OR1A1: variants seen among roughly 807,000 people sequenced by gnomAD.
The protein encoded by OR1A1 is olfactory receptor 1A1.
For missense variants in OR1A1, 391 were observed against 379.9 expected, an observed-to-expected ratio of 1.03 and a Z score of -0.24; for synonymous variants, 145 against 147.8, an observed-to-expected ratio of 0.98 and a Z score of 0.13.
Position 3,216,562 on chromosome 17 carries a change from GC to G in OR1A1, c.*14del. On this transcript the variant is annotated 3_prime_UTR_variant, in exon 4 of 4. Transcript: ENST00000641732. ...GAATCTCCTCGTAACCAATGTGAGG[GC>G]CTACATTGGATACCGTAGTCACCAG... The G allele has an allele frequency of 6.3e-7, 1 of 1,589,698 alleles. No homozygotes were observed. Among genetic ancestry groups the G allele is most frequent in the Non-Finnish European group, 8.6e-7 (1 of 1,162,622 alleles).
rs1285821901 is a variant in OR1A1 at position 3,217,386 on chromosome 17, C to A, written c.*836C>A. 2 of 152,192 alleles carry A rather than the reference C, an allele frequency of 1.3e-5. No homozygotes were observed. Among genetic ancestry groups the A allele is most frequent in the African/African-American group, 2.4e-5 (1 of 41,450 alleles). 9.4% of individuals were successfully genotyped at this position (152,192 alleles called of 1,614,324 possible). On this transcript the variant is annotated 3_prime_UTR_variant, in exon 4 of 4. Coordinates refer to ENST00000641732, the MANE Select transcript of OR1A1 (RefSeq NM_014565.3). ...TTTATAGATTCAATGCTATTCCCAT[C>A]AAACTACCATTGACATTCTTCACAG...
chr17:3,211,165 G>A (rs2048439424), intron 2 of OR1A1, among the ~76,000 whole-genome samples: 1 of 152,094 alleles, frequency 6.6e-6, no homozygotes, highest in East Asian at 1.9e-4. Flanking sequence ...CTTAACCTGT[G>A]TCTGGCCTTC....
chr17:3,216,633 GAGGCAGTCTCT>G lies in OR1A1; in HGVS notation c.*84_*94del, dbSNP rs555011474. 203 of 1,045,704 alleles carry G rather than the reference GAGGCAGTCTCT, an allele frequency of 1.9e-4. No homozygotes were observed. The African/African-American group carries it at 2.9e-3, about 15-fold the overall frequency. 64.8% of individuals were successfully genotyped at this position (1,045,704 alleles called of 1,614,324 possible). On this transcript the variant is annotated 3_prime_UTR_variant, in exon 4 of 4. Coordinates refer to ENST00000641732, the MANE Select transcript of OR1A1 (RefSeq NM_014565.3). The stretch of plus-strand genomic sequence containing the variant: ...CAGTTCTGATGTCATCCTCCTACGA[GAGGCAGTCTCT>G]GATCTTTCTAGCCTGAAATTCCTAA...
chr17:3,218,822 G>A lies in OR1A1; in HGVS notation c.*2272G>A, dbSNP rs1444034764. On this transcript the variant is annotated 3_prime_UTR_variant, in exon 4 of 4. Coordinates refer to ENST00000641732, the MANE Select transcript of OR1A1 (RefSeq NM_014565.3). ...ATTAGGAGAAATACCTAATGCAGAT[G>A]TCAGGCTGATGGATGCAGCAAACCA... 12 of 152,104 alleles carry A rather than the reference G, an allele frequency of 7.9e-5. No individual in the cohort carries two copies. The highest frequency in any genetic ancestry group is 2.6e-4 in the Admixed American group (4 of 15,252). The allele number at this position is 152,104 out of a possible 1,614,324, so 9.4% of individuals were successfully genotyped here.
rs745469696 is a variant in OR1A1, at chr17:3,216,501, A to G, written c.881A>G (p.Asp294Gly). The change falls in exon 4 of 4, where the codon GAC (aspartate) becomes GGC (glycine). Residue 294 changes from aspartate (D) to glycine (G), a missense_variant. Asp to Gly is a moderately conservative substitution (Grantham distance 94). Transcript: ENST00000641732. ...NPFIYSLRNRDMKAALRKLFN... is the reference protein window; with the variant it reads ...NPFIYSLRNRGMKAALRKLFN... ...TTCATCTACAGTCTGAGAAATCGGG[A>G]CATGAAGGCTGCCCTGCGGAAACTC... 2 of 1,613,962 alleles carry G rather than the reference A, an allele frequency of 1.2e-6. No homozygotes were observed. The highest frequency in any genetic ancestry group is 2.7e-5 in the African/African-American group (2 of 74,914).
rs373533523 is a variant in OR1A1 at position 3,216,390 on chromosome 17, C to G, written c.770C>G (p.Thr257Arg). 1.9e-5 allele frequency: 31 copies of G among 1,614,040 alleles called. No homozygotes were observed. The highest frequency in any genetic ancestry group is 2.4e-5 in the Non-Finnish European group (28 of 1,180,034). The change falls in exon 4 of 4, where the codon ACG (threonine) becomes AGG (arginine). Residue 257 changes from threonine to arginine, a missense_variant. Coordinates refer to ENST00000641732, the MANE Select transcript of OR1A1 (RefSeq NM_014565.3). ...TTGTATTATGGTACAGTCATGGGCA[C>G]GTATTTCCGCCCTTTGACCAATTAT... is the stretch of plus-strand genomic sequence containing the variant. ...VSLYYGTVMG[T>R]YFRPLTNYSL...
intron 3 of OR1A1, chr17:3,214,934 G>T (rs1032589120): frequency 6.6e-6 from 1 of 152,188 alleles, no homozygotes; most frequent in African/African-American, 2.4e-5. Flanking sequence ...CACCTGGGGA[G>T]AAAATTCTCC....
In OR1A1 at chr17:3,216,318, T is replaced by C; in HGVS notation, c.698T>C (p.Val233Ala). 1 of 1,614,226 alleles carries C rather than the reference T, an allele frequency of 6.2e-7. No homozygotes were observed. The highest frequency in any genetic ancestry group is 8.5e-7 in the Non-Finnish European group (1 of 1,180,022). Residue 233 changes from valine (V) to alanine (A), a missense_variant, in exon 4 of 4, where the codon GTG becomes GCG. Val to Ala is a moderately conservative substitution (Grantham distance 64, BLOSUM62 0). Coordinates refer to ENST00000641732, the MANE Select transcript of OR1A1 (RefSeq NM_014565.3). ...TVFQVPSTKG[V>A]LKAFSTCGSH... ...TTCCAGGTTCCTTCCACCAAGGGCG[T>C]GCTCAAGGCCTTCTCCACCTGTGGT...
chr17:3,215,608 T>C lies in OR1A1; in HGVS notation c.-5-8T>C. 6.3e-7 allele frequency: 1 copy of C among 1,592,138 alleles called. No individual in the cohort carries two copies. Among genetic ancestry groups the C allele is most frequent in the Non-Finnish European group, 8.6e-7 (1 of 1,161,812 alleles). ...ATAATGATATTCCTCTCCCCTTTCA[T>C]GTTAAAGAAGCCATGAGGGAAAATA... On this transcript the variant is annotated splice_polypyrimidine_tract_variant and splice_region_variant and intron_variant, in intron 3 of 3. Coordinates refer to ENST00000641732, the MANE Select transcript of OR1A1 (RefSeq NM_014565.3).
intron 2 of OR1A1, among the ~76,000 whole-genome samples, chr17:3,210,757 CACCACACCTGGCT>C (rs992616440): frequency 6.6e-6 from 1 of 152,124 alleles, no homozygotes; most frequent in Non-Finnish European, 1.5e-5. Flanking sequence ...AGGCACCCAC[CACCACACCTGGCT>C]AATTTTTGTG....
In OR1A1 at chr17:3,216,460, C is replaced by T; in HGVS notation, c.840C>T (p.Thr280=). ...AVITVMYTAV[T]PMLNPFIYSL... is the part of the protein sequence containing the mutation. ...TCACTGTAATGTACACGGCAGTGAC[C>T]CCAATGTTAAATCCTTTCATCTACA... The change falls in exon 4 of 4, where the codon ACC becomes ACT. Residue 280 remains threonine (T), a synonymous_variant. Transcript: ENST00000641732. 1 of 1,614,122 alleles carries T rather than the reference C, an allele frequency of 6.2e-7. No homozygotes were observed. The highest frequency in any genetic ancestry group is 8.5e-7 in the Non-Finnish European group (1 of 1,180,002).
intron 3 of OR1A1, chr17:3,213,094 C>G (rs1409525938): frequency 1.3e-5 from 2 of 152,158 alleles, no homozygotes; most frequent in Non-Finnish European, 2.9e-5. Flanking sequence ...TGCCCATTCC[C>G]TTATTGTACA....
At chr17:3,208,222 C>T (rs1180404008) in intron 1 of OR1A1, among the ~76,000 whole-genome samples, 1 of 152,040 alleles carries the variant, frequency 6.6e-6, no homozygotes, top group Non-Finnish European at 1.5e-5. Context: ...GGAGGACCCT[C>T]CCCTTCTGAT....
At chr17:3,213,352 T>A (rs2048452264) in intron 3 of OR1A1, 1 of 152,234 alleles carries the variant, frequency 6.6e-6, no homozygotes, top group Non-Finnish European at 1.5e-5. Flanking sequence ...AATAATTTCT[T>A]TCTACCTCCT....
In OR1A1 at chr17:3,217,990, A is replaced by G. The variant is rs1377008765; in HGVS notation, c.*1440A>G. On this transcript the variant is annotated 3_prime_UTR_variant, in exon 4 of 4. Coordinates refer to ENST00000641732, the MANE Select transcript of OR1A1 (RefSeq NM_014565.3). ...AAACTATCATCAGAGTGAACAGGCA[A>G]CCTACAGAATGGGAGAAAATTTTTG... 1 of 152,230 alleles carries G rather than the reference A, an allele frequency of 6.6e-6. No homozygotes were observed. Among genetic ancestry groups the G allele is most frequent in the Admixed American group, 6.5e-5 (1 of 15,286 alleles). 9.4% of individuals were successfully genotyped at this position (152,230 alleles called of 1,614,324 possible). A position where few individuals can be genotyped will look rare whatever the true frequency, so the allele number is the denominator to read the frequency against.
intron 2 of OR1A1, among the ~76,000 whole-genome samples, chr17:3,210,334 T>C (rs952354119): frequency 7.9e-5 from 12 of 152,168 alleles, no homozygotes; most frequent in African/African-American, 2.9e-4. Flanking sequence ...GCAGAATGGC[T>C]GGGTCAGAGA....
intron 1 of OR1A1, among the ~76,000 whole-genome samples, 193 bp downstream of exon 1, chr17:3,208,193 AGGAGGAG>A (rs2048421809): frequency 2.3e-5 from 2 of 86,236 alleles, no homozygotes; most frequent in African/African-American, 6.4e-5. Flanking sequence ...AGAGAGAGAG[AGGAGGAG>A]GAGGAGGAGG....
chr17:3,212,306 C>G (rs1043168208), intron 2 of OR1A1, among the ~76,000 whole-genome samples, 161 bp from the exon 3 acceptor site: 4 of 152,160 alleles, frequency 2.6e-5, no homozygotes, highest in Admixed American at 6.5e-5. Context: ...CCCAAGGGGC[C>G]ACCACAGCAT....
rs546623365 is a variant in OR1A1, at chr17:3,215,512, A to T, written c.-5-104A>T. 1.5e-5 allele frequency: 12 copies of T among 800,152 alleles called. No individual in the cohort carries two copies. In the South Asian group the frequency reaches 2.1e-4, roughly 14 times the overall value. The allele number at this position is 800,152 out of a possible 1,614,324, so 49.6% of individuals were successfully genotyped here. On this transcript the variant is annotated intron_variant, in intron 3 of 3. Coordinates refer to ENST00000641732, the MANE Select transcript of OR1A1 (RefSeq NM_014565.3). ...TCTATAATTTAATAAACTCAGGTGT[A>T]TACACAGCTGAATCACTTAAGTCAG...
Sources: gnomAD v4.1 joint callset for allele counts (sites outside exome capture counted in the v4.1 genomes callset) on GRCh38, gnomAD v4.1.1 for gene constraint, MANE v1.5 for transcripts, NCBI Gene and HGNC (gene_info 2026-07-23, HGNC 2026-07-21) for gene names.